The following TTC28 variants were observed in gnomAD, a reference collection of about 807,000 sequenced individuals.
TTC28 encodes the protein tetratricopeptide repeat protein 28.
TTC28 carries 61 observed loss-of-function variants against 198.0 expected under a neutral mutation model. The ratio of observed to expected loss-of-function variants is 0.31; its 90% CI spans 0.25 to 0.38. TTC28 has a LOEUF of 0.38. Ranked by LOEUF, TTC28 falls within the 10% of genes least tolerant of loss-of-function variation. The probability of loss-of-function intolerance (pLI) is 1.00; values close to 1 mark genes in which losing one functional copy is unlikely to be tolerated. For missense variants in TTC28, 2,678 were observed against 3,164.0 expected, an observed-to-expected ratio of 0.85 and a Z score of 3.69; for synonymous variants, 1,171 against 1,297.8, an observed-to-expected ratio of 0.90 and a Z score of 2.10.
chr22:28,451,502 T>C (rs2047777345), intron 2 of TTC28, among the ~76,000 whole-genome samples: 1 of 152,212 alleles, frequency 6.6e-6, no homozygotes, highest in African/African-American at 2.4e-5. Context: ...ATGTCATAGA[T>C]AGGTTTTTGG....
chr22:28,263,011 A>G (rs995658944), intron 5 of TTC28, among the ~76,000 whole-genome samples: 5 of 152,166 alleles, frequency 3.3e-5, no homozygotes, highest in African/African-American at 1.2e-4. Flanking sequence ...GAGGAGACCA[A>G]GCAAGCCAAG....
At chr22:28,016,504 CTCTTCCTATG>C (rs1196169751) in intron 13 of TTC28, among the ~76,000 whole-genome samples, 1 of 152,206 alleles carries the variant, frequency 6.6e-6, no homozygotes, top group Non-Finnish European at 1.5e-5. Flanking sequence ...ACTAGGTGCC[CTCTTCCTATG>C]TACCTCAAGT....
At chr22:28,182,086 T>C (rs945261784) in intron 5 of TTC28, among the ~76,000 whole-genome samples, 13 of 152,122 alleles carry the variant, frequency 8.5e-5, no homozygotes, top group African/African-American at 2.7e-4. Context: ...TTGAAATAAT[T>C]AGTTAGGATT....
At chr22:28,274,871 C>G (rs1285998731) in intron 5 of TTC28, among the ~76,000 whole-genome samples, 1 of 149,818 alleles carries the variant, frequency 6.7e-6, no homozygotes, top group Non-Finnish European at 1.5e-5. Context: ...CCCAGCTACT[C>G]AAGAGGCTGA....
intron 12 of TTC28, among the ~76,000 whole-genome samples, chr22:28,053,977 G>T (rs1295904881): frequency 6.6e-6 from 1 of 152,162 alleles, no homozygotes; most frequent in Non-Finnish European, 1.5e-5. Flanking sequence ...CCTGACGTTT[G>T]TTAGCTAAAG....
At chr22:28,236,089 A>G (rs1012710357) in intron 5 of TTC28, among the ~76,000 whole-genome samples, 15 of 152,120 alleles carry the variant, frequency 9.9e-5, no homozygotes, top group African/African-American at 3.6e-4. Flanking sequence ...ATGCCTCGTA[A>G]TGATTACATG....
At chr22:28,025,842 C>G (rs1178673357) in intron 13 of TTC28, among the ~76,000 whole-genome samples, 2 of 152,166 alleles carry the variant, frequency 1.3e-5, no homozygotes, top group South Asian at 2.1e-4. Flanking sequence ...TATAACCCAG[C>G]CTGGGTGACA....
intron 2 of TTC28, 146 bp downstream of exon 2, chr22:28,629,406 G>T: frequency 1.3e-6 from 1 of 781,926 alleles, no homozygotes; most frequent in Non-Finnish European, 2.0e-6. Flanking sequence ...TAGTGTACCA[G>T]CTCAAGGAAG....
In TTC28 at chr22:27,983,271, A is replaced by G. The variant is rs1276637648; in HGVS notation, c.6396T>C (p.Asp2132=). 11 of 1,551,866 alleles carry G rather than the reference A, an allele frequency of 7.1e-6. No homozygotes were observed. The East Asian group carries it at 2.7e-4, about 38-fold the overall frequency. The change falls in exon 23 of 23, where the codon GAT becomes GAC. Residue 2132 remains aspartate (D), a synonymous_variant. Coordinates refer to ENST00000397906, the MANE Select transcript of TTC28 (RefSeq NM_001145418.2). The stretch of plus-strand genomic sequence containing the variant: ...TGCTAGACTGGTCTGATTCTCCTGT[A>G]TCTGAGCTTGCTAGTTTTCCCACCT... ...FQKVGKLASS[D]TGESDQSSTE... is the part of the protein sequence containing the mutation.
At chr22:28,223,878 C>A (rs1056800298) in intron 5 of TTC28, among the ~76,000 whole-genome samples, 1 of 152,196 alleles carries the variant, frequency 6.6e-6, no homozygotes, top group Non-Finnish European at 1.5e-5. Flanking sequence ...CCCTTCTACA[C>A]GGGCTTTGGA....
At chr22:28,164,917 T>G (rs1302645084) in intron 5 of TTC28, among the ~76,000 whole-genome samples, 1 of 151,530 alleles carries the variant, frequency 6.6e-6, no homozygotes, top group Non-Finnish European at 1.5e-5. Flanking sequence ...GGCAAAGAAG[T>G]TAAAAACCTT....
At chr22:27,994,552 G>C (rs916789333) in intron 17 of TTC28, 1 of 151,892 alleles carries the variant, frequency 6.6e-6, no homozygotes, top group Admixed American at 6.5e-5. Flanking sequence ...AAACAAGCCT[G>C]CCTGGGAGGA....
chr22:28,241,675 G>C (rs546314658), intron 5 of TTC28, among the ~76,000 whole-genome samples: 1 of 152,086 alleles, frequency 6.6e-6, no homozygotes, highest in African/African-American at 2.4e-5. Flanking sequence ...TGGGTAAAGG[G>C]TACACAGCAG....
intron 2 of TTC28, among the ~76,000 whole-genome samples, chr22:28,575,323 A>G (rs1313920615): frequency 2.0e-5 from 3 of 152,198 alleles, no homozygotes. Context: ...GTCAAAAATG[A>G]GTTCACTGCA....
intron 2 of TTC28, among the ~76,000 whole-genome samples, chr22:28,506,337 C>T (rs1458736102): frequency 2.0e-5 from 3 of 151,972 alleles, no homozygotes; most frequent in Non-Finnish European, 4.4e-5. Context: ...CCCATTCCCC[C>T]TCACAGGCAG....
chr22:28,161,591 C>T (rs1379172028), intron 6 of TTC28, among the ~76,000 whole-genome samples: 2 of 151,654 alleles, frequency 1.3e-5, no homozygotes, highest in South Asian at 2.1e-4. Context: ...GAGTTTGAGG[C>T]TGCAGTGAGC....
At chr22:28,537,814 G>T (rs1026758761) in intron 2 of TTC28, among the ~76,000 whole-genome samples, 1 of 152,142 alleles carries the variant, frequency 6.6e-6, no homozygotes, top group Non-Finnish European at 1.5e-5. Flanking sequence ...AACTAGGGTA[G>T]TTCTCTATAA....
intron 2 of TTC28, among the ~76,000 whole-genome samples, chr22:28,541,876 T>C (rs2049419559): frequency 6.6e-6 from 1 of 151,714 alleles, no homozygotes; most frequent in Non-Finnish European, 1.5e-5. Flanking sequence ...ATCTCTTGAG[T>C]TTGAGACCAG....
chr22:28,507,297 C>T (rs1260777608), intron 2 of TTC28, among the ~76,000 whole-genome samples: 1 of 152,052 alleles, frequency 6.6e-6, no homozygotes, highest in African/African-American at 2.4e-5. Flanking sequence ...ATAGACCAAG[C>T]CGAGGAAAGA....
Sources: gnomAD v4.1 joint callset for allele counts (sites outside exome capture counted in the v4.1 genomes callset) on GRCh38, gnomAD v4.1.1 for gene constraint, MANE v1.5 for transcripts, NCBI Gene and HGNC (gene_info 2026-07-23, HGNC 2026-07-21) for gene names.